The following TSEN34 variants were observed in gnomAD, a reference collection of about 807,000 sequenced individuals.
TSEN34 encodes tRNA splicing endonuclease subunit 34.
TSEN34 carries 25 observed loss-of-function variants against 30.2 expected under a neutral mutation model. The ratio of observed to expected loss-of-function variants is 0.83; its 90% confidence interval spans 0.60 to 1.16. The LOEUF (loss-of-function observed/expected upper bound fraction) is 1.16. Among genes scored for constraint, TSEN34 ranks in the 50% most tolerant of loss-of-function variants. The probability of loss-of-function intolerance (pLI) is 0.00; values close to 1 mark genes in which losing one functional copy is unlikely to be tolerated. For missense variants in TSEN34, 475 were observed against 411.9 expected (o/e 1.15, Z -1.33); for synonymous variants, 209 against 177.4 (o/e 1.18, Z -1.41).
At chr19:54,190,982 A>C, upstream of TSEN34, 1 of 1,099,072 alleles carries the variant, frequency 9.1e-7, no homozygotes, top group Non-Finnish European at 1.1e-6. Context: ...GACCTTTGTA[A>C]GGGGGCGTGT....
rs565128672 is a variant in TSEN34, at chr19:54,191,564, C to G, written c.200C>G (p.Thr67Ser). The change falls in exon 1 of 4, where the codon ACT becomes AGT. Residue 67 changes from threonine (T) to serine (S), a missense_variant. Coordinates refer to ENST00000396388, the MANE Select transcript of TSEN34 (RefSeq NM_001077446.4). ...ARLLAEIGAV[T>S]LVSAPRPDSR... is the part of the protein sequence containing the mutation. The stretch of plus-strand genomic sequence containing the variant: ...CTCTTGGCCGAGATCGGCGCCGTGA[C>G]TCTGGTCAGCGCCCCGCGTCCAGAC... The G allele has an allele frequency of 6.2e-7, 1 of 1,602,180 alleles. No homozygotes were observed. Among genetic ancestry groups the G allele is most frequent in the Non-Finnish European group, 8.5e-7 (1 of 1,179,526 alleles).
chr19:54,193,591 G>C lies in TSEN34; in HGVS notation c.*229G>C. On this transcript the variant is annotated 3_prime_UTR_variant, in exon 4 of 4. Coordinates refer to ENST00000396388, the MANE Select transcript of TSEN34 (RefSeq NM_001077446.4). ...CACACTGTGAGCTTCCCGAGAATGG[G>C]GCCTGGGTTTGATTCATCTGTTTTC... is the stretch of plus-strand genomic sequence containing the variant. The C allele has an allele frequency of 6.8e-7, 1 of 1,468,250 alleles. No individual in the cohort carries two copies. Among genetic ancestry groups the C allele is most frequent in the South Asian group, 1.2e-5 (1 of 82,658 alleles). 91.0% of individuals were successfully genotyped at this position (1,468,250 alleles called of 1,614,324 possible). A position where few individuals can be genotyped will look rare whatever the true frequency, so the allele number is the denominator to read the frequency against.
rs949422954 is a variant in TSEN34, at chr19:54,193,752, G to T, written c.*390G>T. The T allele has an allele frequency of 2.5e-4, 174 of 708,580 alleles. 2 individuals are homozygous for T. The Admixed American group carries it at 3.4e-3, about 14-fold the overall frequency. 43.9% of individuals were successfully genotyped at this position (708,580 alleles called of 1,614,324 possible). On this transcript the variant is annotated 3_prime_UTR_variant, in exon 4 of 4. Transcript: ENST00000396388. ...GTGAGAAAAAGGCCTGGAGGAGGGG[G>T]ACTGACTTGCCCAAAGTCACACACT...
At chr19:54,193,097 C>A in intron 3 of TSEN34, 78 bp from the exon 4 acceptor site, 1 of 1,597,154 alleles carries the variant, frequency 6.3e-7, no homozygotes. Flanking sequence ...GATCTCAGAT[C>A]TCCTCCCAGT....
At position 54,193,607 on chromosome 19, in the gene TSEN34, A is replaced by C. The variant is rs4042; in HGVS notation, c.*245A>C. ...CGAGAATGGGGCCTGGGTTTGATTCATCTGTTTTCTACAGGGTTTAAGTCT... is the reference window on the plus strand; with the variant it reads ...CGAGAATGGGGCCTGGGTTTGATTCCTCTGTTTTCTACAGGGTTTAAGTCT... On this transcript the variant is annotated 3_prime_UTR_variant, in exon 4 of 4. Coordinates refer to ENST00000396388, the MANE Select transcript of TSEN34 (RefSeq NM_001077446.4). 25,289 of 1,369,720 alleles carry C rather than the reference A, an allele frequency of 0.018. 724 individuals carry two copies. The highest frequency in any genetic ancestry group is 0.11 in the African/African-American group (7,421 of 69,382). 84.8% of individuals were successfully genotyped at this position (1,369,720 alleles called of 1,614,324 possible). A position where few individuals can be genotyped will look rare whatever the true frequency, so the allele number is the denominator to read the frequency against.
upstream of TSEN34, chr19:54,189,913 A>G: frequency 3.9e-6 from 1 of 255,726 alleles, no homozygotes; most frequent in South Asian, 4.9e-5. Flanking sequence ...GCGGGGCCAC[A>G]GACTCGGCCG....
In TSEN34 at chr19:54,191,517, G is replaced by A. The variant is rs1276930053; in HGVS notation, c.153G>A (p.Leu51=). ...RQNSRLGLPL[L]LMPEEARLLA... is the part of the protein sequence containing the mutation. ...ACTCGCGCCTGGGCCTCCCGCTGCT[G>A]CTGATGCCCGAAGAGGCGCGGCTCT... Residue 51 remains leucine (L), a synonymous_variant, in exon 1 of 4, where the codon CTG becomes CTA. Transcript: ENST00000396388. 3.1e-6 allele frequency: 5 copies of A among 1,594,094 alleles called. No homozygotes were observed. The highest frequency in any genetic ancestry group is 2.2e-5 in the South Asian group (2 of 90,142).
At chr19:54,192,425 T>A in intron 3 of TSEN34, 52 bp downstream of exon 3, 3 of 1,602,600 alleles carry the variant, frequency 1.9e-6, no homozygotes. Context: ...ACGATCCCAA[T>A]GTATTCTGCG....
chr19:54,194,074 C>T lies in TSEN34; in HGVS notation c.*712C>T, dbSNP rs2076805241. ...TTAAAAAAAAATTAGCCAGGGATCC[C>T]TTGAGCCTGGGAAGTTGAGGCTGCT... On this transcript the variant is annotated 3_prime_UTR_variant, in exon 4 of 4. Coordinates refer to ENST00000396388, the MANE Select transcript of TSEN34 (RefSeq NM_001077446.4). 1.1e-5 allele frequency: 2 copies of T among 182,568 alleles called. No individual in the cohort carries two copies. The highest frequency in any genetic ancestry group is 1.1e-4 in the Admixed American group (2 of 18,348). The allele number at this position is 182,568 out of a possible 1,614,324, so 11.3% of individuals were successfully genotyped here. A position where few individuals can be genotyped will look rare whatever the true frequency, so the allele number is the denominator to read the frequency against.
intron 1 of TSEN34, 30 bp downstream of exon 1, chr19:54,191,637 G>A (rs1028106485): frequency 6.2e-7 from 1 of 1,606,964 alleles, no homozygotes; most frequent in Non-Finnish European, 8.5e-7. Context: ...ACTCGGGTTC[G>A]GTGGGAGCGG....
upstream of TSEN34, chr19:54,190,455 G>T: frequency 7.1e-7 from 1 of 1,401,292 alleles, no homozygotes; most frequent in East Asian, 3.0e-5. Context: ...ATTGGGGTGA[G>T]CCCGCCCGAG....
upstream of TSEN34, chr19:54,190,989 G>A: frequency 1.8e-6 from 2 of 1,109,896 alleles, no homozygotes; most frequent in Non-Finnish European, 2.2e-6. Context: ...GTAAGGGGGC[G>A]TGTCGCCGCG....
Position 54,193,690 on chromosome 19 carries a change from T to A in TSEN34, c.*328T>A, listed in dbSNP as rs1405480233. 1.1e-5 allele frequency: 9 copies of A among 823,332 alleles called. No individual in the cohort carries two copies. The allele number at this position is 823,332 out of a possible 1,614,324, so 51.0% of individuals were successfully genotyped here. On this transcript the variant is annotated 3_prime_UTR_variant, in exon 4 of 4. Transcript: ENST00000396388. ...TTCATGATTTGAATGTTTGCGACAG[T>A]CCTGGAACCCGTGGATGGTCTCATC...
intron 3 of TSEN34, 42 bp downstream of exon 3, chr19:54,192,415 A>G: frequency 1.2e-6 from 2 of 1,609,976 alleles, no homozygotes; most frequent in Non-Finnish European, 1.7e-6. Context: ...GCCTTTCCAT[A>G]CGATCCCAAT....
At position 54,193,275 on chromosome 19, in the gene TSEN34, C is replaced by A. The variant is rs753154204; in HGVS notation, c.846C>A (p.Thr282=). 1 of 1,614,040 alleles carries A rather than the reference C, an allele frequency of 6.2e-7. No individual in the cohort carries two copies. The highest frequency in any genetic ancestry group is 1.3e-5 in the African/African-American group (1 of 74,914). ...QDLVAAGRLG[T]SVRKTLLLCS... ...TGGTTGCTGCTGGGCGCCTTGGAAC[C>A]AGCGTCAGAAAGACCCTGCTCCTCT... The change falls in exon 4 of 4, where the codon ACC becomes ACA. Residue 282 remains threonine (T), a synonymous_variant. Coordinates refer to ENST00000396388, the MANE Select transcript of TSEN34 (RefSeq NM_001077446.4).
chr19:54,192,338 C>A lies in TSEN34; in HGVS notation c.710C>A (p.Ala237Asp). The A allele has an allele frequency of 1.2e-6, 2 of 1,614,136 alleles. No individual in the cohort carries two copies. Among genetic ancestry groups the A allele is most frequent in the Non-Finnish European group, 1.7e-6 (2 of 1,180,038 alleles). ...LWERGFFLSA[A>D]GKFGGDFLVY... ...GAGCGAGGCTTCTTCCTCAGTGCGG[C>A]TGGCAAGTTCGGAGGTGACTTCCTG... Residue 237 changes from alanine (A) to aspartate (D), a missense_variant, in exon 3 of 4, where the codon GCT becomes GAT. Coordinates refer to ENST00000396388, the MANE Select transcript of TSEN34 (RefSeq NM_001077446.4).
chr19:54,192,264 C>T lies in TSEN34; in HGVS notation c.636C>T (p.Ala212=), dbSNP rs1408709825. Residue 212 remains alanine (A), a synonymous_variant, in exon 3 of 4, where the codon GCC becomes GCT. Coordinates refer to ENST00000396388, the MANE Select transcript of TSEN34 (RefSeq NM_001077446.4). ...WRVQSKDWPH[A]GRPAHELRYS... is the part of the protein sequence containing the mutation. ...TCCAGTCTAAAGACTGGCCCCACGC[C>T]GGCCGCCCTGCCCACGAGCTGCGCT... 3.7e-6 allele frequency: 6 copies of T among 1,613,880 alleles called. No homozygotes were observed. The highest frequency in any genetic ancestry group is 5.1e-6 in the Non-Finnish European group (6 of 1,179,988).
chr19:54,193,745 G>C lies in TSEN34; in HGVS notation c.*383G>C, dbSNP rs1368123513. ...TGTACAGGTGAGAAAAAGGCCTGGA[G>C]GAGGGGGACTGACTTGCCCAAAGTC... On this transcript the variant is annotated 3_prime_UTR_variant, in exon 4 of 4. Transcript: ENST00000396388. 1.4e-6 allele frequency: 1 copy of C among 715,090 alleles called. No individual in the cohort carries two copies. The highest frequency in any genetic ancestry group is 2.7e-5 in the East Asian group (1 of 37,322). The allele number at this position is 715,090 out of a possible 1,614,324, so 44.3% of individuals were successfully genotyped here.
chr19:54,191,305 A>G (rs1413546753), upstream of TSEN34: 21 of 1,546,214 alleles, frequency 1.4e-5, no homozygotes, highest in Admixed American at 3.9e-5. Flanking sequence ...GGTGCGCTGC[A>G]GCGGTCCGCG....
Sources: allele counts gnomAD v4.1 joint callset, GRCh38; gene constraint gnomAD v4.1.1; transcripts MANE v1.5; gene names NCBI Gene and HGNC (gene_info 2026-07-23, HGNC 2026-07-21).